GATB: variants seen among roughly 807,000 people sequenced by gnomAD.
The protein encoded by GATB is glutamyl-tRNA(Gln) amidotransferase subunit B, mitochondrial.
In GATB, 39 loss-of-function variants were observed where a neutral mutation model predicts 62.3. That is an observed-to-expected ratio of 0.63 (90% CI 0.48 to 0.82). The LOEUF (loss-of-function observed/expected upper bound fraction) is 0.82. Among genes scored for constraint, GATB ranks in the 40% least tolerant of loss-of-function variants. GATB has a pLI of 0.00. For synonymous variants in GATB, 276 were observed against 258.9 expected (o/e 1.07, Z -0.63); for missense variants, 670 against 684.0 (o/e 0.98, Z 0.23).
chr4:151,752,405 A>AT (rs1006948883), intron 2 of GATB, among the ~76,000 whole-genome samples: 1 of 151,778 alleles, frequency 6.6e-6, no homozygotes, highest in Non-Finnish European at 1.5e-5. Context: ...TCTGTTTTCT[A>AT]TTTTTTCACG....
chr4:151,673,352 G>A (rs769066790), intron 11 of GATB: 24 of 156,326 alleles, frequency 1.5e-4, no homozygotes, highest in Non-Finnish European at 3.1e-4. Context: ...CATGGCCGCC[G>A]AATTAATTGA....
intron 7 of GATB, among the ~76,000 whole-genome samples, chr4:151,704,468 C>G (rs74434708): frequency 2.1e-5 from 3 of 145,108 alleles, no homozygotes; most frequent in African/African-American, 7.6e-5. Flanking sequence ...TTTTTTTTTT[C>G]TTTGAGACGG....
intron 2 of GATB, among the ~76,000 whole-genome samples, chr4:151,725,285 C>G (rs1739115977): frequency 6.6e-6 from 1 of 152,250 alleles, no homozygotes; most frequent in African/African-American, 2.4e-5. Context: ...CAGAAGCCAG[C>G]CGAGCTGGGG....
At chr4:151,718,632 C>T (rs890632735) in intron 3 of GATB, among the ~76,000 whole-genome samples, 20 of 152,182 alleles carry the variant, frequency 1.3e-4, no homozygotes, top group African/African-American at 4.1e-4. Context: ...TAATTCTACT[C>T]GTGCCCTCAC....
chr4:151,679,190 G>A (rs189327047), intron 11 of GATB, among the ~76,000 whole-genome samples: 5 of 152,316 alleles, frequency 3.3e-5, no homozygotes, highest in East Asian at 3.9e-4. Flanking sequence ...CACTGTGCCC[G>A]GCCCTCTGGG....
chr4:151,725,287 G>A (rs1326084308), intron 2 of GATB, among the ~76,000 whole-genome samples: 2 of 152,244 alleles, frequency 1.3e-5, no homozygotes, highest in Non-Finnish European at 2.9e-5. Flanking sequence ...GAAGCCAGCC[G>A]AGCTGGGGCT....
intron 2 of GATB, among the ~76,000 whole-genome samples, chr4:151,724,972 G>C (rs951263196): frequency 6.6e-6 from 1 of 152,174 alleles, no homozygotes; most frequent in African/African-American, 2.4e-5. Flanking sequence ...CAAAATGTAT[G>C]AATCAGGAAA....
At chr4:151,676,777 G>A (rs1224351176) in intron 11 of GATB, among the ~76,000 whole-genome samples, 1 of 152,226 alleles carries the variant, frequency 6.6e-6, no homozygotes, top group East Asian at 1.9e-4. Context: ...GAACAAGGCT[G>A]CTTTGTGGCA....
Position 151,671,133 on chromosome 4 carries a change from C to CTGT in GATB, c.*38_*40dup, listed in dbSNP as rs1553965298. The CTGT allele has an allele frequency of 5.0e-6, 8 of 1,612,610 alleles. No individual in the cohort carries two copies. The highest frequency in any genetic ancestry group is 4.4e-5 in the South Asian group (4 of 91,030). On this transcript the variant is annotated 3_prime_UTR_variant, in exon 13 of 13. Coordinates refer to ENST00000263985, the MANE Select transcript of GATB (RefSeq NM_004564.3). Reference sequence around the variant, plus strand: ...GGATCCTGTTCCCAGTCAGGCTGCACTGTTTGTTGTTGTCCCTTGGGCAAG... The same window carrying CTGT: ...GGATCCTGTTCCCAGTCAGGCTGCACTGTTGTTTGTTGTTGTCCCTTGGGCAAG...
In GATB at chr4:151,716,929, T is replaced by C. The variant is rs746479024; in HGVS notation, c.587A>G (p.Lys196Arg). 3 of 1,614,060 alleles carry C rather than the reference T, an allele frequency of 1.9e-6. No homozygotes were observed. In the African/African-American group the frequency reaches 4.0e-5, roughly 22 times the overall value. The part of the protein sequence containing the change: ...KQIQLEQDSG[K>R]SLHDNLRSQT... ...AGACCTCAGGTTGTCGTGGAGGCTT[T>C]TGCCACTGTCTTGCTCCAACTGGAT... Residue 196 changes from lysine (K) to arginine (R), a missense_variant, in exon 4 of 13, where the codon AAA becomes AGA. Transcript: ENST00000263985.
At chr4:151,694,418 A>G (rs1488557052) in intron 9 of GATB, among the ~76,000 whole-genome samples, 1 of 152,170 alleles carries the variant, frequency 6.6e-6, no homozygotes, top group Non-Finnish European at 1.5e-5. Context: ...CTTGCATCCA[A>G]AAGAAATGAA....
intron 2 of GATB, chr4:151,722,051 G>A: frequency 4.9e-6 from 3 of 617,018 alleles, no homozygotes; most frequent in Non-Finnish European, 8.6e-6. Context: ...CGTTACAGAT[G>A]CACAGAGGGC....
At chr4:151,729,610 G>A (rs1739203831) in intron 2 of GATB, among the ~76,000 whole-genome samples, 1 of 152,098 alleles carries the variant, frequency 6.6e-6, no homozygotes, top group Non-Finnish European at 1.5e-5. Context: ...ACTCTCAAAT[G>A]GCTCATCCAA....
At chr4:151,731,662 G>A (rs975538352) in intron 2 of GATB, among the ~76,000 whole-genome samples, 1 of 152,084 alleles carries the variant, frequency 6.6e-6, no homozygotes, top group South Asian at 2.1e-4. Context: ...TCCCGTCTAG[G>A]AAGTGAGGAG....
intron 11 of GATB, among the ~76,000 whole-genome samples, chr4:151,678,285 G>C (rs748485296): frequency 5.9e-5 from 9 of 152,156 alleles, no homozygotes; most frequent in Non-Finnish European, 1.3e-4. Context: ...GAACCCAGCT[G>C]TCAGCTTCCA....
At position 151,729,626 on chromosome 4, in the gene GATB, G is replaced by GA. The variant is rs559062523; in HGVS notation, c.328-10089dup. 3.1e-3 allele frequency among the ~76,000 whole-genome samples: 457 copies of GA among 149,758 alleles called. 3 individuals are homozygous for GA. Among genetic ancestry groups the GA allele is most frequent in the African/African-American group, 8.3e-3 (340 of 40,894 alleles). On this transcript the variant is annotated intron_variant, in intron 2 of 12. Coordinates refer to ENST00000263985, the MANE Select transcript of GATB (RefSeq NM_004564.3). ...CTCTCAAATGGCTCATCCAAAGGAG[G>GA]AAAAAAAAAATCTAGGTGCAGGATG... is the stretch of plus-strand genomic sequence containing the variant.
At chr4:151,684,243 T>C (rs886196349) in intron 10 of GATB, among the ~76,000 whole-genome samples, 1 of 152,250 alleles carries the variant, frequency 6.6e-6, no homozygotes, top group Non-Finnish European at 1.5e-5. Flanking sequence ...CTTGGACAGC[T>C]GGATAGCTGT....
chr4:151,688,796 G>C (rs750592921), intron 9 of GATB, 33 bp from the exon 10 acceptor site: 3 of 1,559,782 alleles, frequency 1.9e-6, no homozygotes, highest in Non-Finnish European at 2.6e-6. Flanking sequence ...ATTACATAAA[G>C]CCTCCCCAAA....
Position 151,671,020 on chromosome 4 carries a change from A to G in GATB, c.*154T>C. ...CTCCAGGCACAGGGCCTAGAGGGTG[A>G]GAACACTGGTGACATTAATGCCATA... On this transcript the variant is annotated 3_prime_UTR_variant, in exon 13 of 13. Coordinates refer to ENST00000263985, the MANE Select transcript of GATB (RefSeq NM_004564.3). 1.1e-6 allele frequency: 1 copy of G among 876,032 alleles called. No homozygotes were observed. The highest frequency in any genetic ancestry group is 1.8e-6 in the Non-Finnish European group (1 of 562,020). The allele number at this position is 876,032 out of a possible 1,614,324, so 54.3% of individuals were successfully genotyped here. A position where few individuals can be genotyped will look rare whatever the true frequency, so the allele number is the denominator to read the frequency against.
Sources: allele counts gnomAD v4.1 joint callset (sites outside exome capture counted in the v4.1 genomes callset), GRCh38; gene constraint gnomAD v4.1.1; transcripts MANE v1.5; gene names NCBI Gene and HGNC (gene_info 2026-07-23, HGNC 2026-07-21).